The following CHST15 variants were observed in gnomAD, a reference collection of about 807,000 sequenced individuals.
CHST15 encodes the protein carbohydrate sulfotransferase 15, also known as B cell RAG associated protein (GALNAC4S-6ST).
In CHST15, 30 loss-of-function variants were observed where a neutral mutation model predicts 53.6. The ratio of observed to expected loss-of-function variants is 0.56; its 90% CI spans 0.42 to 0.76. The LOEUF (loss-of-function observed/expected upper bound fraction) is 0.76, where lower values mean the gene tolerates loss of function less well. CHST15 is among the 30% of genes least tolerant of loss of function. The pLI, the probability that CHST15 is intolerant of heterozygous loss-of-function variation, is 0.00. For synonymous variants in CHST15, 296 were observed against 289.8 expected (o/e 1.02, Z -0.22); for missense variants, 627 against 740.5 (o/e 0.85, Z 1.78).
chr10:124,054,255 A>T (rs946775580), intron 1 of CHST15, among the ~76,000 whole-genome samples: 33 of 152,226 alleles, frequency 2.2e-4, no homozygotes, highest in African/African-American at 7.7e-4. Flanking sequence ...TGTCTAAAAC[A>T]GGTATTCTCA....
chr10:124,022,194 T>G (rs576442362), intron 5 of CHST15, among the ~76,000 whole-genome samples: 1 of 152,318 alleles, frequency 6.6e-6, no homozygotes, highest in Non-Finnish European at 1.5e-5. Flanking sequence ...ATCCTGCTGT[T>G]AAATAAAATG....
At chr10:124,037,963 G>A (rs1023196087) in intron 5 of CHST15, among the ~76,000 whole-genome samples, 1 of 152,194 alleles carries the variant, frequency 6.6e-6, no homozygotes, top group Non-Finnish European at 1.5e-5. Context: ...TGCTGGGGCT[G>A]AAGTCACACA....
At chr10:124,064,882 G>A (rs1354339313) in intron 1 of CHST15, among the ~76,000 whole-genome samples, 2 of 151,912 alleles carry the variant, frequency 1.3e-5, no homozygotes, top group Admixed American at 6.6e-5. Context: ...TCCCACTTCC[G>A]TTTTTTGTGT....
At chr10:124,081,271 A>C (rs1949225227) in intron 1 of CHST15, among the ~76,000 whole-genome samples, 1 of 152,220 alleles carries the variant, frequency 6.6e-6, no homozygotes, top group African/African-American at 2.4e-5. Flanking sequence ...TCATTAGAAG[A>C]ATGATTACAA....
chr10:124,021,179 C>T (rs1254835347), intron 6 of CHST15, 77 bp downstream of exon 6: 12 of 1,548,356 alleles, frequency 7.8e-6, no homozygotes, highest in Non-Finnish European at 1.0e-5. Context: ...ACCCACAATG[C>T]CGCTTGCATA....
chr10:124,015,168 C>T (rs1946548417), intron 6 of CHST15, among the ~76,000 whole-genome samples: 1 of 152,196 alleles, frequency 6.6e-6, no homozygotes, highest in Non-Finnish European at 1.5e-5. Flanking sequence ...ATCACTACTG[C>T]AACCATATGC....
At chr10:124,034,738 C>G (rs368935029) in intron 5 of CHST15, among the ~76,000 whole-genome samples, 42 of 88,854 alleles carry the variant, frequency 4.7e-4, no homozygotes, top group Middle Eastern at 0.013. Context: ...TAACAGGGAC[C>G]CCGGCTCCAC....
chr10:124,076,417 CT>C (rs1949072070), intron 1 of CHST15, among the ~76,000 whole-genome samples: 1 of 152,224 alleles, frequency 6.6e-6, no homozygotes, highest in South Asian at 2.1e-4. Flanking sequence ...AGGCTGATGG[CT>C]CCATGAGTTA....
chr10:124,077,731 C>T (rs1021583015), intron 1 of CHST15, among the ~76,000 whole-genome samples: 1 of 152,218 alleles, frequency 6.6e-6, no homozygotes, highest in African/African-American at 2.4e-5. Context: ...AATGCCCTCG[C>T]ATCTCGTTCC....
intron 6 of CHST15, among the ~76,000 whole-genome samples, chr10:124,013,552 A>C (rs1311595574): frequency 6.6e-6 from 1 of 152,202 alleles, no homozygotes; most frequent in Non-Finnish European, 1.5e-5. Context: ...CATAACCAAT[A>C]GTGTAATAGC....
intron 1 of CHST15, among the ~76,000 whole-genome samples, chr10:124,051,092 A>T (rs1024114199): frequency 6.6e-6 from 1 of 151,956 alleles, no homozygotes; most frequent in East Asian, 1.9e-4. Context: ...ACAGGCATGC[A>T]TCACTGCGCC....
At chr10:124,034,753 T>TAACAGGGACCCCGGCTCCACCCCC (rs1947376447) in intron 5 of CHST15, among the ~76,000 whole-genome samples, 6 of 115,290 alleles carry the variant, frequency 5.2e-5, no homozygotes, top group African/African-American at 1.8e-4. Context: ...CTCCACCCCC[T>TAACAGGGACCCCGGCTCCACCCCC]AACAGGGACG....
At chr10:124,039,985 C>T (rs1947675970) in intron 4 of CHST15, among the ~76,000 whole-genome samples, 1 of 152,148 alleles carries the variant, frequency 6.6e-6, no homozygotes, top group Non-Finnish European at 1.5e-5. Flanking sequence ...GTAATCACAT[C>T]CAGGTGAACA....
chr10:124,050,240 G>A (rs543931611), intron 1 of CHST15, among the ~76,000 whole-genome samples: 11 of 152,306 alleles, frequency 7.2e-5, no homozygotes, highest in African/African-American at 2.6e-4. Context: ...GGCGCGAGTG[G>A]TGCAGGGCTG....
intron 1 of CHST15, among the ~76,000 whole-genome samples, chr10:124,082,948 G>C (rs982540085): frequency 6.6e-6 from 1 of 152,142 alleles, no homozygotes; most frequent in African/African-American, 2.4e-5. Context: ...GGAGATAAAG[G>C]GGTGATAGCT....
chr10:124,085,607 G>A (rs531998908), intron 1 of CHST15, among the ~76,000 whole-genome samples: 1 of 152,330 alleles, frequency 6.6e-6, no homozygotes, highest in African/African-American at 2.4e-5. Flanking sequence ...TGAGAGTCCA[G>A]CTACATGGAT....
At chr10:124,038,844 C>A (rs1414002305) in intron 4 of CHST15, among the ~76,000 whole-genome samples, 173 bp from the exon 5 acceptor site, 1 of 151,466 alleles carries the variant, frequency 6.6e-6, no homozygotes, top group Non-Finnish European at 1.5e-5. Flanking sequence ...GGTTGGATGC[C>A]CCCCCCTGCC....
intron 5 of CHST15, among the ~76,000 whole-genome samples, chr10:124,035,292 CCT>C (rs1486496741): frequency 2.0e-5 from 3 of 147,880 alleles, no homozygotes; most frequent in Non-Finnish European, 4.5e-5. Flanking sequence ...TGGCTCTACC[CCT>C]GATAGGTACC....
intron 1 of CHST15, among the ~76,000 whole-genome samples, chr10:124,093,024 C>G (rs1949651151): frequency 6.6e-6 from 1 of 152,210 alleles, no homozygotes; most frequent in African/African-American, 2.4e-5. Flanking sequence ...TCCCCTCGCT[C>G]CGGCCGCGTC....
Sources: allele counts gnomAD v4.1 joint callset (sites outside exome capture counted in the v4.1 genomes callset), GRCh38; gene constraint gnomAD v4.1.1; transcripts MANE v1.5; gene names NCBI Gene and HGNC (gene_info 2026-07-23, HGNC 2026-07-21).